The following SVOPL variants were observed in gnomAD, a reference collection of about 807,000 sequenced individuals.
SVOPL encodes the protein SVOP like, also known as putative transporter SVOPL.
Under a neutral mutation model 61.0 loss-of-function variants are expected in SVOPL, and 60 were observed. The observed-to-expected ratio is 0.98, with a 90% CI of 0.80 to 1.22. The LOEUF is 1.22. SVOPL is among the 50% of genes most tolerant of loss of function. The pLI, the probability that SVOPL is intolerant of heterozygous loss-of-function variation, is 0.00. For missense variants in SVOPL, 662 were observed against 643.9 expected (o/e 1.03, Z -0.30); for synonymous variants, 279 against 250.0 (o/e 1.12, Z -1.09).
At chr7:138,660,505 G>A (rs892400157) in intron 5 of SVOPL, 22 of 985,722 alleles carry the variant, frequency 2.2e-5, no homozygotes, top group African/African-American at 3.5e-5. Flanking sequence ...GAGAGAAAAC[G>A]AAGTGTTAAT....
chr7:138,630,479 T>C (rs1800126604), intron 9 of SVOPL, among the ~76,000 whole-genome samples: 1 of 152,086 alleles, frequency 6.6e-6, no homozygotes, highest in African/African-American at 2.4e-5. Flanking sequence ...CTTCTAAAAT[T>C]AACATTAAAA....
At chr7:138,628,461 G>C in intron 10 of SVOPL, 98 bp from the exon 11 acceptor site, 2 of 1,249,710 alleles carry the variant, frequency 1.6e-6, no homozygotes, top group Non-Finnish European at 2.2e-6. Context: ...CATGTGGAAA[G>C]CAAAGAGAGC....
chr7:138,637,461 TATATATAG>T (rs1454095255), intron 9 of SVOPL, among the ~76,000 whole-genome samples: 1 of 13,028 alleles, frequency 7.7e-5, no homozygotes, highest in African/African-American at 2.4e-4. Context: ...GATAGATATA[TATATATAG>T]ATATAGATAT....
intron 4 of SVOPL, chr7:138,663,503 T>C (rs756780761): frequency 8.7e-6 from 9 of 1,031,300 alleles, no homozygotes; most frequent in Non-Finnish European, 1.0e-5. Context: ...AGTACACAAA[T>C]TGGGGCCACT....
intron 4 of SVOPL, among the ~76,000 whole-genome samples, chr7:138,666,368 A>C (rs1802261513): frequency 6.6e-6 from 1 of 152,268 alleles, no homozygotes; most frequent in African/African-American, 2.4e-5. Context: ...GAGTCACTTT[A>C]TTACAAGTCT....
At chr7:138,654,190 A>G (rs1237766246) in intron 7 of SVOPL, among the ~76,000 whole-genome samples, 1 of 151,970 alleles carries the variant, frequency 6.6e-6, no homozygotes, top group African/African-American at 2.4e-5. Context: ...CTCAGAAGAA[A>G]TAAGTCCTGG....
At chr7:138,663,619 A>G in intron 4 of SVOPL, 1 of 985,672 alleles carries the variant, frequency 1.0e-6, no homozygotes, top group Non-Finnish European at 1.2e-6. Context: ...CCTAAGATAC[A>G]CCTACTTCTT....
chr7:138,652,861 G>A (rs1362297999), intron 7 of SVOPL, among the ~76,000 whole-genome samples: 1 of 151,780 alleles, frequency 6.6e-6, no homozygotes, highest in East Asian at 2.0e-4. Context: ...CCTGACCTCA[G>A]GTGATCCTCC....
At chr7:138,670,456 C>T (rs571385905) in intron 4 of SVOPL, among the ~76,000 whole-genome samples, 2 of 152,218 alleles carry the variant, frequency 1.3e-5, no homozygotes, top group Non-Finnish European at 2.9e-5. Flanking sequence ...CAGACTTTTG[C>T]ATTTTTGACA....
In SVOPL at chr7:138,617,514, C is replaced by T. The variant is rs576028754; in HGVS notation, c.1353+3532G>A. Among the ~76,000 whole-genome samples the T allele has an allele frequency of 1.8e-4, 27 of 152,200 alleles. No homozygotes were observed. In the South Asian group the frequency reaches 5.2e-3, roughly 29 times the overall value. ...AGCTGTGCCTCCCCAGAGGGTGGCCCGCCATCAGCTGCATCAGATTTGCTG... is the reference window on the plus strand; with the variant it reads ...AGCTGTGCCTCCCCAGAGGGTGGCCTGCCATCAGCTGCATCAGATTTGCTG... On this transcript the variant is annotated intron_variant, in intron 14 of 15. Transcript: ENST00000674285.
chr7:138,682,968 CAA>C (rs762982090), intron 1 of SVOPL, among the ~76,000 whole-genome samples: 5 of 95,428 alleles, frequency 5.2e-5, no homozygotes, highest in Admixed American at 1.3e-4. Flanking sequence ...AACTCCATCT[CAA>C]AAAAAAAAAA....
intron 1 of SVOPL, among the ~76,000 whole-genome samples, chr7:138,700,713 G>C (rs1433711559): frequency 1.3e-5 from 2 of 150,278 alleles, no homozygotes; most frequent in Non-Finnish European, 2.9e-5. Flanking sequence ...TGGATGGATG[G>C]ATGGCAGATG....
Position 138,678,288 on chromosome 7 carries a change from G to A in SVOPL, c.174+146C>T, listed in dbSNP as rs561966384. ...GATGTCTCCTGCCTCCCTAAACGGTGCCCCATCCACCTTGGGCACACGTTC... is the reference window on the plus strand; with the variant it reads ...GATGTCTCCTGCCTCCCTAAACGGTACCCCATCCACCTTGGGCACACGTTC... On this transcript the variant is annotated intron_variant, in intron 3 of 15. Transcript: ENST00000674285. 3.2e-4 allele frequency: 219 copies of A among 685,354 alleles called. 1 individual carries two copies. The South Asian group carries it at 3.9e-3, about 12-fold the overall frequency. The allele number at this position is 685,354 out of a possible 1,614,324, so 42.5% of individuals were successfully genotyped here.
chr7:138,686,997 C>G (rs1802832072), intron 1 of SVOPL, among the ~76,000 whole-genome samples: 1 of 152,120 alleles, frequency 6.6e-6, no homozygotes, highest in South Asian at 2.1e-4. Context: ...ATCAATAATG[C>G]TCAGAGATAA....
At position 138,649,020 on chromosome 7, in the gene SVOPL, C is replaced by T. The variant is rs771797276; in HGVS notation, c.652G>A (p.Ala218Thr). 1.9e-6 allele frequency: 3 copies of T among 1,613,786 alleles called. No homozygotes were observed. Among genetic ancestry groups the T allele is most frequent in the Non-Finnish European group, 2.5e-6 (3 of 1,179,894 alleles). The change falls in exon 8 of 16, where the codon GCC (alanine) becomes ACC (threonine). Residue 218 changes from alanine (A) to threonine (T), a missense_variant. Physicochemically the swap from Ala to Thr is moderately conservative, Grantham distance 58 (BLOSUM62 0). Coordinates refer to ENST00000674285, the MANE Select transcript of SVOPL (RefSeq NM_001139456.2). Reference protein sequence around the residue: ...ASIPGIILIVAFKFIPESARF... With the variant: ...ASIPGIILIVTFKFIPESARF... ...CACAAGTGCTTCCCCACCTTGAAGG[C>T]CACGATGAGGATGATGCCCGGGATG...
chr7:138,625,886 C>A (rs1799868612), intron 13 of SVOPL, 83 bp downstream of exon 13: 2 of 1,313,348 alleles, frequency 1.5e-6, no homozygotes, highest in Middle Eastern at 1.9e-4. Context: ...CAACAGAAGC[C>A]AGGCATGCAT....
At chr7:138,655,871 A>T (rs1267719158) in intron 7 of SVOPL, among the ~76,000 whole-genome samples, 1 of 152,174 alleles carries the variant, frequency 6.6e-6, no homozygotes, top group East Asian at 1.9e-4. Flanking sequence ...AAGAATTTAG[A>T]ATATTCATAA....
At chr7:138,621,930 G>GTATCTATGTATCTATCTATCTATGTATC (rs1799607614) in intron 13 of SVOPL, among the ~76,000 whole-genome samples, 2 of 15,474 alleles carry the variant, frequency 1.3e-4, no homozygotes, top group Non-Finnish European at 2.8e-4. Context: ...ATCTATCTAT[G>GTATCTATGTATCTATCTATCTATGTATC]TATCTATCTA....
At chr7:138,641,814 T>TTATAAATATA (rs1554464906) in intron 9 of SVOPL, among the ~76,000 whole-genome samples, 2 of 120,972 alleles carry the variant, frequency 1.7e-5, no homozygotes, top group South Asian at 5.9e-4. Flanking sequence ...TATATATATG[T>TTATAAATATA]TATATATATA....
Sources: allele counts gnomAD v4.1 joint callset (sites outside exome capture counted in the v4.1 genomes callset), GRCh38; gene constraint gnomAD v4.1.1; transcripts MANE v1.5; gene names NCBI Gene and HGNC (gene_info 2026-07-23, HGNC 2026-07-21).